Variants in PHF14 observed in about 807,000 individuals in gnomAD.
PHF14 encodes PHD finger protein 14.
Under a neutral mutation model 117.9 loss-of-function variants are expected in PHF14, and 55 were observed. The ratio of observed to expected loss-of-function variants is 0.47; its 90% CI spans 0.38 to 0.58. The LOEUF is 0.58. PHF14 is among the 20% of genes least tolerant of loss of function. The pLI is 0.00. For missense variants in PHF14, 978 were observed against 1,122.2 expected (o/e 0.87, Z 1.84); for synonymous variants, 409 against 368.6 (o/e 1.11, Z -1.26).
At position 10,983,036 on chromosome 7, in the gene PHF14, T is replaced by C; in HGVS notation, c.777T>C (p.His259=). Residue 259 remains histidine (H), a synonymous_variant, in exon 3 of 18, where the codon CAT becomes CAC. Transcript: ENST00000634607. The part of the protein sequence containing the change: ...DENDEGNDED[H]SSPASEGGCK... ...ATGATGAAGGCAATGATGAAGATCATAGTAGCCCTGCCAGTGAAGGGGGTT... is the reference window on the plus strand; with the variant it reads ...ATGATGAAGGCAATGATGAAGATCACAGTAGCCCTGCCAGTGAAGGGGGTT... 1 of 1,591,030 alleles carries C rather than the reference T, an allele frequency of 6.3e-7. No individual in the cohort carries two copies. Among genetic ancestry groups the C allele is most frequent in the Non-Finnish European group, 8.5e-7 (1 of 1,172,938 alleles).
intron 16 of PHF14, among the ~76,000 whole-genome samples, chr7:11,089,445 C>T (rs548673710): frequency 6.6e-6 from 1 of 152,016 alleles, no homozygotes; most frequent in South Asian, 2.1e-4. Flanking sequence ...AATCCCAGCA[C>T]CTAGGGAGGC....
chr7:11,074,826 C>G (rs1026813883), intron 16 of PHF14, among the ~76,000 whole-genome samples: 7 of 152,126 alleles, frequency 4.6e-5, no homozygotes, highest in African/African-American at 1.7e-4. Flanking sequence ...TAACAATACT[C>G]TAAGAAGTTC....
chr7:11,105,381 G>T, intron 16 of PHF14: 4 of 954,008 alleles, frequency 4.2e-6, no homozygotes, highest in Non-Finnish European at 5.0e-6. Flanking sequence ...AAAACCACTG[G>T]TTTTAAACAA....
Position 11,051,750 on chromosome 7 carries a change from A to G in PHF14, c.2451A>G (p.Pro817=), listed in dbSNP as rs1350210893. ...PVKFVPQDVP[P]EPKKIPIRNT... ...AATTTGTTCCACAGGATGTGCCACC[A>G]GAACCCAAGAAGATTCCGATAAGAA... Residue 817 remains proline, a synonymous_variant, in exon 14 of 18, where the codon CCA becomes CCG. Transcript: ENST00000634607. 1.2e-6 allele frequency: 2 copies of G among 1,613,586 alleles called. No homozygotes were observed. Among genetic ancestry groups the G allele is most frequent in the African/African-American group, 1.3e-5 (1 of 74,904 alleles).
At chr7:11,094,738 T>C (rs1442632171) in intron 16 of PHF14, among the ~76,000 whole-genome samples, 3 of 152,118 alleles carry the variant, frequency 2.0e-5, no homozygotes, top group Non-Finnish European at 2.9e-5. Flanking sequence ...CCTTTAAAAT[T>C]TATAACTGAA....
At chr7:11,134,774 T>C (rs1399627811) in intron 17 of PHF14, among the ~76,000 whole-genome samples, 1 of 152,102 alleles carries the variant, frequency 6.6e-6, no homozygotes, top group Non-Finnish European at 1.5e-5. Context: ...AAAACAAGTT[T>C]AGTGCTGAAA....
rs566551304 is a variant in PHF14 at position 10,974,100 on chromosome 7, G to A, written c.-224G>A. Reference sequence around the variant, plus strand: ...GTCTTCTCCGGCCAGGGAGCGCTGTGGGAAGGGGCTCGAGCGGCCAGGGCC... The same window carrying A: ...GTCTTCTCCGGCCAGGGAGCGCTGTAGGAAGGGGCTCGAGCGGCCAGGGCC... On this transcript the variant is annotated 5_prime_UTR_variant, in exon 1 of 18. Transcript: ENST00000634607. 5 of 533,548 alleles carry A rather than the reference G, an allele frequency of 9.4e-6. No homozygotes were observed. Among genetic ancestry groups the A allele is most frequent in the African/African-American group, 1.9e-5 (1 of 51,886 alleles). 33.1% of individuals were successfully genotyped at this position (533,548 alleles called of 1,614,324 possible).
intron 6 of PHF14, among the ~76,000 whole-genome samples, chr7:11,028,023 C>T (rs1409412068): frequency 6.6e-6 from 1 of 152,136 alleles, no homozygotes; most frequent in East Asian, 1.9e-4. Context: ...TACATATAGT[C>T]CTTGACTTAT....
chr7:11,124,698 C>A (rs1366473917), intron 17 of PHF14, among the ~76,000 whole-genome samples: 1 of 151,986 alleles, frequency 6.6e-6, no homozygotes. Flanking sequence ...AAACCCAGAT[C>A]TCCCTGACTC....
chr7:11,101,870 T>C (rs951676991), intron 16 of PHF14, among the ~76,000 whole-genome samples: 4 of 151,848 alleles, frequency 2.6e-5, no homozygotes, highest in South Asian at 2.1e-4. Flanking sequence ...TTACTTCTAA[T>C]CACTAAAATT....
At chr7:10,997,272 G>C (rs1782688166) in intron 4 of PHF14, among the ~76,000 whole-genome samples, 1 of 152,086 alleles carries the variant, frequency 6.6e-6, no homozygotes, top group African/African-American at 2.4e-5. Context: ...GTAACATGAG[G>C]GTCATTGGCC....
chr7:11,103,434 C>T, intron 16 of PHF14: 1 of 980,780 alleles, frequency 1.0e-6, no homozygotes, highest in South Asian at 4.7e-5. Flanking sequence ...AGATCTTCAT[C>T]AACATCTGTA....
chr7:10,990,832 A>G lies in PHF14; in HGVS notation c.1030A>G (p.Ile344Val), dbSNP rs1360218600. Reference sequence around the variant, plus strand: ...AATAATTCAGTGTGACAATTGTGGCATTACAGTCCATGAAGGTAATGTTGC... The same window carrying G: ...AATAATTCAGTGTGACAATTGTGGCGTTACAGTCCATGAAGGTAATGTTGC... ...DEIIQCDNCG[I>V]TVHEGCYGVD... The change falls in exon 4 of 18, where the codon ATT becomes GTT. Residue 344 changes from isoleucine (I) to valine (V), a missense_variant. By Grantham distance (29) the Ile-to-Val change is conservative. Coordinates refer to ENST00000634607, the MANE Select transcript of PHF14 (RefSeq NM_001007157.2). 2 of 1,587,422 alleles carry G rather than the reference A, an allele frequency of 1.3e-6. No individual in the cohort carries two copies. The highest frequency in any genetic ancestry group is 1.8e-5 in the Admixed American group (1 of 56,586).
At chr7:11,135,178 T>C (rs1788185076) in intron 17 of PHF14, among the ~76,000 whole-genome samples, 1 of 152,112 alleles carries the variant, frequency 6.6e-6, no homozygotes, top group Non-Finnish European at 1.5e-5. Flanking sequence ...CTGTGTAAAC[T>C]TGGGCAAGTG....
chr7:11,057,919 A>C (rs1785076240), intron 14 of PHF14, among the ~76,000 whole-genome samples: 1 of 152,182 alleles, frequency 6.6e-6, no homozygotes, highest in African/African-American at 2.4e-5. Flanking sequence ...CAAGATTTGG[A>C]ATGAGTTTTA....
chr7:11,031,052 A>T (rs1784106032), intron 7 of PHF14, among the ~76,000 whole-genome samples: 1 of 152,224 alleles, frequency 6.6e-6, no homozygotes, highest in Non-Finnish European at 1.5e-5. Flanking sequence ...AACACATTTT[A>T]AACTAAAATA....
intron 16 of PHF14, chr7:11,104,194 A>C: frequency 2.0e-6 from 2 of 982,836 alleles, no homozygotes. Context: ...TCCAATTATA[A>C]TACTATATTA....
chr7:11,117,582 T>TAAATATGTATTTATATGGATAAATAC, intron 17 of PHF14, among the ~76,000 whole-genome samples: 1 of 142,244 alleles, frequency 7.0e-6, no homozygotes, highest in Admixed American at 7.2e-5. Context: ...ACGATATATA[T>TAAATATGTATTTATATGGATAAATAC]AAATATGTAT....
rs774231668 is a variant in PHF14 at position 11,038,874 on chromosome 7, G to A, written c.2076+19G>A. The A allele has an allele frequency of 1.5e-5, 18 of 1,217,114 alleles. No individual in the cohort carries two copies. Among genetic ancestry groups the A allele is most frequent in the Non-Finnish European group, 2.1e-5 (18 of 844,246 alleles). 75.4% of individuals were successfully genotyped at this position (1,217,114 alleles called of 1,614,324 possible). On this transcript the variant is annotated intron_variant, in intron 11 of 17. Coordinates refer to ENST00000634607, the MANE Select transcript of PHF14 (RefSeq NM_001007157.2). ...AGGGCAGGTTAGTTTCTTTCCAATT[G>A]CTGTCTCCTTCAGTTCTTGCTCCCT...
Sources: gnomAD v4.1 joint callset for allele counts (sites outside exome capture counted in the v4.1 genomes callset) on GRCh38, gnomAD v4.1.1 for gene constraint, MANE v1.5 for transcripts, NCBI Gene and HGNC (gene_info 2026-07-23, HGNC 2026-07-21) for gene names.